The following ABLIM1 variants were observed in gnomAD, a reference collection of about 807,000 sequenced individuals.
The protein encoded by ABLIM1 is actin binding LIM protein 1.
Under a neutral mutation model 107.0 loss-of-function variants are expected in ABLIM1, and 40 were observed. The observed-to-expected ratio is 0.37, with a 90% CI of 0.29 to 0.49. ABLIM1 has a LOEUF of 0.49. Ranked by LOEUF, ABLIM1 falls within the 20% of genes least tolerant of loss-of-function variation. The pLI is 0.97. For missense variants in ABLIM1, 857 were observed against 1,008.5 expected (o/e 0.85, Z 2.04); for synonymous variants, 357 against 357.3 (o/e 1.00, Z 0.01).
intron 1 of ABLIM1, among the ~76,000 whole-genome samples, chr10:114,765,371 AAT>A (rs113770594): frequency 0.039 from 5,155 of 133,854 alleles, 114 homozygotes; most frequent in South Asian, 0.078. Context: ...AAAAAAAAAA[AAT>A]ATTCTATTAT....
At chr10:114,624,973 A>C (rs2077696611) in intron 1 of ABLIM1, among the ~76,000 whole-genome samples, 1 of 152,166 alleles carries the variant, frequency 6.6e-6, no homozygotes, top group Admixed American at 6.5e-5. Flanking sequence ...ACCCCTCCCC[A>C]CAAAGATGGG....
At chr10:114,530,812 G>A (rs2065370688) in intron 6 of ABLIM1, among the ~76,000 whole-genome samples, 1 of 152,208 alleles carries the variant, frequency 6.6e-6, no homozygotes, top group South Asian at 2.1e-4. Flanking sequence ...GGGATTATAG[G>A]CGTGAGCCAC....
chr10:114,784,411 T>C, the ABLIM1 span, among the ~76,000 whole-genome samples: 1 of 149,722 alleles, frequency 6.7e-6, no homozygotes, highest in Admixed American at 6.6e-5. Flanking sequence ...ACGCCTGTAA[T>C]CCTAGCACTT....
chr10:114,553,511 T>G (rs2068341351), intron 4 of ABLIM1, among the ~76,000 whole-genome samples: 1 of 152,228 alleles, frequency 6.6e-6, no homozygotes, highest in African/African-American at 2.4e-5. Flanking sequence ...TACCCAACTC[T>G]GGAATCAGAC....
intron 15 of ABLIM1, among the ~76,000 whole-genome samples, chr10:114,446,400 A>AT (rs1289781375): frequency 6.6e-6 from 1 of 152,196 alleles, no homozygotes; most frequent in African/African-American, 2.4e-5. Context: ...ATTGTGTTCA[A>AT]TTTTTTAGCT....
chr10:114,651,200 T>G (rs1327666086), intron 1 of ABLIM1, among the ~76,000 whole-genome samples: 1 of 152,222 alleles, frequency 6.6e-6, no homozygotes. Context: ...ATTCACTCAT[T>G]CATTTACTCA....
intron 12 of ABLIM1, among the ~76,000 whole-genome samples, chr10:114,462,727 G>A (rs1419729304): frequency 6.6e-6 from 1 of 150,802 alleles, no homozygotes; most frequent in Non-Finnish European, 1.5e-5. Context: ...ATTATATTTT[G>A]TTTCGATGCA....
chr10:114,792,596 T>C, the ABLIM1 span, among the ~76,000 whole-genome samples: 4 of 152,216 alleles, frequency 2.6e-5, no homozygotes, highest in Non-Finnish European at 5.9e-5. Flanking sequence ...TGCTGGCTGC[T>C]CCTTCTTCTT....
intron 4 of ABLIM1, among the ~76,000 whole-genome samples, chr10:114,569,193 T>C (rs867771376): frequency 1.9e-4 from 29 of 152,302 alleles, no homozygotes; most frequent in Middle Eastern, 3.4e-3. Context: ...AAAAACATAG[T>C]TGGACTAAAG....
At chr10:114,472,862 A>G (rs985464373) in intron 10 of ABLIM1, 115 bp downstream of exon 10, 6 of 1,101,656 alleles carry the variant, frequency 5.4e-6, no homozygotes, top group Non-Finnish European at 7.5e-6. Flanking sequence ...ATCTGCAAAT[A>G]CTAGGCAGAC....
chr10:114,450,872 A>G (rs1444795867), intron 14 of ABLIM1, among the ~76,000 whole-genome samples: 1 of 152,180 alleles, frequency 6.6e-6, no homozygotes, highest in Non-Finnish European at 1.5e-5. Context: ...ATCTTTTCAC[A>G]AAGATTTATG....
At chr10:114,550,654 A>G (rs1794730881) in intron 4 of ABLIM1, among the ~76,000 whole-genome samples, 1 of 152,170 alleles carries the variant, frequency 6.6e-6, no homozygotes, top group African/African-American at 2.4e-5. Flanking sequence ...ACCCGCTCTT[A>G]TAGTATCATA....
In ABLIM1 at chr10:114,648,756, C is replaced by T. The variant is rs2141046581; in HGVS notation, c.244+9201G>A. On this transcript the variant is annotated intron_variant, in intron 1 of 22. Coordinates refer to ENST00000533213, the MANE Select transcript of ABLIM1 (RefSeq NM_002313.7). ...GCACTGCGTTATAGTCTGAAGAAAC[C>T]ACGGAAACAACTGTCCTGCCACTAA... is the stretch of plus-strand genomic sequence containing the variant. 1.3e-5 allele frequency among the ~76,000 whole-genome samples: 2 copies of T among 152,122 alleles called. 1 individual carries two copies. Among genetic ancestry groups the T allele is most frequent in the South Asian group, 4.2e-4 (2 of 4,812 alleles).
chr10:114,551,784 G>T (rs183383313), intron 4 of ABLIM1, among the ~76,000 whole-genome samples: 2 of 152,292 alleles, frequency 1.3e-5, no homozygotes, highest in East Asian at 3.9e-4. Context: ...TGAGGGCTTT[G>T]TAAACATGGT....
chr10:114,735,369 C>A (rs1235086533), intron 1 of ABLIM1, among the ~76,000 whole-genome samples: 1 of 152,140 alleles, frequency 6.6e-6, no homozygotes, highest in Non-Finnish European at 1.5e-5. Context: ...AGAAAAACAA[C>A]AATAAAAAAA....
chr10:114,570,711 C>A (rs2071541500), intron 4 of ABLIM1, among the ~76,000 whole-genome samples: 1 of 148,278 alleles, frequency 6.7e-6, no homozygotes, highest in Admixed American at 6.9e-5. Flanking sequence ...CAGGCTCAAG[C>A]TATCCTCCCA....
At chr10:114,630,127 T>C (rs1190013735) in intron 1 of ABLIM1, among the ~76,000 whole-genome samples, 2 of 152,194 alleles carry the variant, frequency 1.3e-5, no homozygotes, top group African/African-American at 4.8e-5. Context: ...AAAGAGCTGC[T>C]ATGTGAGGAC....
the ABLIM1 span, among the ~76,000 whole-genome samples, chr10:114,788,770 T>C: frequency 1.3e-5 from 2 of 151,334 alleles, no homozygotes; most frequent in East Asian, 2.0e-4. Flanking sequence ...CAAAACCTCA[T>C]AGGCTTGCCA....
chr10:114,763,343 T>G (rs892386541), intron 1 of ABLIM1, among the ~76,000 whole-genome samples: 7 of 152,012 alleles, frequency 4.6e-5, no homozygotes, highest in South Asian at 2.1e-4. Flanking sequence ...AATTTATAAT[T>G]TAATATTTTA....
Sources: allele counts gnomAD v4.1 joint callset (sites outside exome capture counted in the v4.1 genomes callset), GRCh38; gene constraint gnomAD v4.1.1; transcripts MANE v1.5; gene names NCBI Gene and HGNC (gene_info 2026-07-23, HGNC 2026-07-21).